Variants in TM9SF3 observed in about 807,000 individuals in gnomAD.
TM9SF3 encodes transmembrane 9 superfamily member 3.
TM9SF3 carries 14 observed loss-of-function variants against 78.6 expected under a neutral mutation model. That is an observed-to-expected ratio of 0.18 (90% CI 0.12 to 0.28). TM9SF3 has a LOEUF of 0.28. Among genes scored for constraint, TM9SF3 ranks in the 10% least tolerant of loss-of-function variants. TM9SF3 has a pLI of 1.00. For missense variants in TM9SF3, 496 were observed against 721.9 expected, an observed-to-expected ratio of 0.69 and a Z score of 3.59; for synonymous variants, 231 against 241.7, an observed-to-expected ratio of 0.96 and a Z score of 0.41.
At chr10:96,539,613 T>C (rs998687093) in intron 9 of TM9SF3, among the ~76,000 whole-genome samples, 4 of 152,186 alleles carry the variant, frequency 2.6e-5, no homozygotes, top group African/African-American at 4.8e-5. Flanking sequence ...AATGCGGTAA[T>C]GGTTTCACAA....
chr10:96,564,895 A>T (rs1461604560), intron 3 of TM9SF3, among the ~76,000 whole-genome samples: 4 of 152,188 alleles, frequency 2.6e-5, no homozygotes, highest in Non-Finnish European at 5.9e-5. Flanking sequence ...TCAAGAAACT[A>T]TCATACCAAG....
intron 5 of TM9SF3, among the ~76,000 whole-genome samples, chr10:96,553,855 A>G (rs934747075): frequency 3.9e-5 from 6 of 152,242 alleles, no homozygotes; most frequent in African/African-American, 1.4e-4. Flanking sequence ...TCTGATTTGA[A>G]CTAGGTCTGT....
At chr10:96,569,114 T>C (rs914768828) in intron 2 of TM9SF3, among the ~76,000 whole-genome samples, 4 of 152,092 alleles carry the variant, frequency 2.6e-5, no homozygotes, top group Non-Finnish European at 5.9e-5. Context: ...GAGGCTGCAG[T>C]AAGCTGTGAT....
intron 14 of TM9SF3, among the ~76,000 whole-genome samples, chr10:96,522,548 A>C (rs930175343): frequency 1.9e-4 from 29 of 152,036 alleles, no homozygotes; most frequent in African/African-American, 7.0e-4. Context: ...GCCAAGTCTA[A>C]TCAAGTAGCA....
intron 5 of TM9SF3, among the ~76,000 whole-genome samples, chr10:96,554,647 T>A (rs980092643): frequency 2.0e-5 from 3 of 152,162 alleles, no homozygotes; most frequent in African/African-American, 2.4e-5. Flanking sequence ...ATTCCAATGA[T>A]GATGATAACA....
intron 12 of TM9SF3, 95 bp downstream of exon 12, chr10:96,527,936 T>C: frequency 1.6e-6 from 2 of 1,263,484 alleles, no homozygotes; most frequent in South Asian, 1.7e-5. Flanking sequence ...ACAACATTTC[T>C]ATACAGCTCT....
intron 8 of TM9SF3, among the ~76,000 whole-genome samples, chr10:96,544,696 G>T (rs2134139310): frequency 6.6e-6 from 1 of 152,154 alleles, no homozygotes; most frequent in South Asian, 2.1e-4. Flanking sequence ...GGAGTTTCAT[G>T]TAAGTTTTCA....
chr10:96,528,367 C>A (rs995510928), intron 11 of TM9SF3, among the ~76,000 whole-genome samples, 190 bp from the exon 12 acceptor site: 1 of 152,048 alleles, frequency 6.6e-6, no homozygotes, highest in Non-Finnish European at 1.5e-5. Context: ...AAAATATTTT[C>A]TTGGATAATC....
chr10:96,560,397 A>T (rs1848291181), intron 4 of TM9SF3: 5 of 738,554 alleles, frequency 6.8e-6, no homozygotes, highest in Non-Finnish European at 1.2e-5. Context: ...AAGGCAGTCC[A>T]ATTAAATAAC....
At chr10:96,533,875 A>C (rs1026242628) in intron 9 of TM9SF3, among the ~76,000 whole-genome samples, 1 of 152,220 alleles carries the variant, frequency 6.6e-6, no homozygotes, top group Admixed American at 6.5e-5. Flanking sequence ...CAAAGTGGCC[A>C]ATTAGAAACA....
intron 8 of TM9SF3, among the ~76,000 whole-genome samples, chr10:96,545,746 G>A (rs1238772685): frequency 3.9e-5 from 6 of 152,104 alleles, no homozygotes; most frequent in East Asian, 1.9e-4. Context: ...AAAATTAGCC[G>A]GGCATGGTGA....
chr10:96,585,436 C>T (rs1291565437), intron 1 of TM9SF3, among the ~76,000 whole-genome samples: 1 of 152,148 alleles, frequency 6.6e-6, no homozygotes, highest in Non-Finnish European at 1.5e-5. Context: ...AGCTGTTTAA[C>T]CTCCCAACAA....
intron 6 of TM9SF3, among the ~76,000 whole-genome samples, chr10:96,552,430 TAAAAC>T (rs1353269422): frequency 2.6e-5 from 4 of 152,322 alleles, no homozygotes; most frequent in Middle Eastern, 3.4e-3. Flanking sequence ...GCCTGTCTCT[TAAAAC>T]AAATTTCCTA....
rs1426834919 is a variant in TM9SF3 at position 96,551,248 on chromosome 10, G to C, written c.956C>G (p.Thr319Ser). The change falls in exon 7 of 15, where the codon ACT (threonine) becomes AGT (serine). Residue 319 changes from threonine to serine, a missense_variant. Thr to Ser is a moderately conservative substitution (Grantham distance 58). Transcript: ENST00000371142. ...ACAGTTAAGTGTAGGCACTTACTCA[G>C]TATATAAATCTTCTATCATTGCAAC... is the stretch of plus-strand genomic sequence containing the variant. ...IIVAMIEDLY[T>S]ERGSMLSTAI... 1 of 1,609,552 alleles carries C rather than the reference G, an allele frequency of 6.2e-7. No homozygotes were observed. Among genetic ancestry groups the C allele is most frequent in the Non-Finnish European group, 8.5e-7 (1 of 1,178,524 alleles).
At position 96,519,831 on chromosome 10, in the gene TM9SF3, A is replaced by G. The variant is rs1377028076; in HGVS notation, c.*2432T>C. ...ACTTATTCAACCCCTCTATGCAGCC[A>G]AAAACCAATACAAGTCCTTTTCTAA... On this transcript the variant is annotated 3_prime_UTR_variant, in exon 15 of 15. Transcript: ENST00000371142. The G allele has an allele frequency of 6.6e-6, 1 of 151,874 alleles. No homozygotes were observed. The highest frequency in any genetic ancestry group is 1.5e-5 in the Non-Finnish European group (1 of 67,796). The allele number at this position is 151,874 out of a possible 1,614,324, so 9.4% of individuals were successfully genotyped here. A position where few individuals can be genotyped will look rare whatever the true frequency, so the allele number is the denominator to read the frequency against.
rs1287019817 is a variant in TM9SF3 at position 96,576,791 on chromosome 10, A to G, written c.141T>C (p.Thr47=). The G allele has an allele frequency of 6.4e-7, 1 of 1,574,228 alleles. No individual in the cohort carries two copies. Among genetic ancestry groups the G allele is most frequent in the Non-Finnish European group, 8.6e-7 (1 of 1,165,034 alleles). The part of the protein sequence containing the change: ...DKEEVVLWMN[T]VGPYHNRQET... ...CTTGACGATTATGGTAGGGCCCAAC[A>G]GTATTCATCCATAAGACAACTTCCT... is the stretch of plus-strand genomic sequence containing the variant. The change falls in exon 2 of 15, where the codon ACT becomes ACC. Residue 47 remains threonine (T), a synonymous_variant. Coordinates refer to ENST00000371142, the MANE Select transcript of TM9SF3 (RefSeq NM_020123.4).
chr10:96,569,764 TG>T (rs1474528697), intron 2 of TM9SF3, among the ~76,000 whole-genome samples: 1 of 152,178 alleles, frequency 6.6e-6, no homozygotes, highest in African/African-American at 2.4e-5. Flanking sequence ...CCGGGCGCAA[TG>T]GCTCACACCT....
At chr10:96,584,812 A>AAAAT (rs1202700288) in intron 1 of TM9SF3, among the ~76,000 whole-genome samples, 1 of 152,200 alleles carries the variant, frequency 6.6e-6, no homozygotes, top group Non-Finnish European at 1.5e-5. Context: ...CTCTGTCTCA[A>AAAAT]AAATAAATAA....
chr10:96,561,652 A>T (rs538486431), intron 4 of TM9SF3, among the ~76,000 whole-genome samples: 1 of 152,370 alleles, frequency 6.6e-6, no homozygotes, highest in South Asian at 2.1e-4. Context: ...AAAGGGAAAC[A>T]ACATGAAGTA....
Sources: allele counts gnomAD v4.1 joint callset (sites outside exome capture counted in the v4.1 genomes callset), GRCh38; gene constraint gnomAD v4.1.1; transcripts MANE v1.5; gene names NCBI Gene and HGNC (gene_info 2026-07-23, HGNC 2026-07-21).